LRRTM4: variants seen among roughly 807,000 people sequenced by gnomAD.
LRRTM4 encodes leucine rich repeat transmembrane neuronal 4.
A neutral mutation model predicts 47.6 loss-of-function variants in LRRTM4; 25 were observed. The ratio of observed to expected loss-of-function variants is 0.53; its 90% CI spans 0.38 to 0.73. The LOEUF is 0.73. LRRTM4 is among the 30% of genes least tolerant of loss of function. The probability of loss-of-function intolerance (pLI) is 0.00; values close to 1 mark genes in which losing one functional copy is unlikely to be tolerated. For missense variants in LRRTM4, 638 were observed against 713.4 expected (o/e 0.89, Z 1.20); for synonymous variants, 311 against 269.5 (o/e 1.15, Z -1.51).
At chr2:77,443,917 TAAAAA>T (rs1675944440) in intron 3 of LRRTM4, among the ~76,000 whole-genome samples, 1 of 151,404 alleles carries the variant, frequency 6.6e-6, no homozygotes, top group African/African-American at 2.4e-5. Flanking sequence ...TAAGAAAAAA[TAAAAA>T]AGAGTAATAT....
At chr2:76,878,005 G>A (rs947005068) in intron 3 of LRRTM4, among the ~76,000 whole-genome samples, 3 of 152,188 alleles carry the variant, frequency 2.0e-5, no homozygotes, top group African/African-American at 7.2e-5. Context: ...TTGAAGATTG[G>A]TGGTAACTCT....
intron 3 of LRRTM4, among the ~76,000 whole-genome samples, chr2:77,269,809 TAA>T (rs969153944): frequency 1.3e-5 from 2 of 152,192 alleles, no homozygotes; most frequent in African/African-American, 4.8e-5. Flanking sequence ...AAGCAAATAA[TAA>T]AAGAGACTAA....
chr2:77,367,100 T>TTG (rs1672488204), intron 3 of LRRTM4, among the ~76,000 whole-genome samples: 1 of 151,822 alleles, frequency 6.6e-6, no homozygotes, highest in Non-Finnish European at 1.5e-5. Context: ...TCCATCACCA[T>TTG]TAGAGCCTGA....
At chr2:77,090,388 G>A (rs1210857633) in intron 3 of LRRTM4, among the ~76,000 whole-genome samples, 5 of 152,174 alleles carry the variant, frequency 3.3e-5, no homozygotes, top group East Asian at 3.9e-4. Flanking sequence ...TCAAAAGGTC[G>A]TCTTATTCTC....
At chr2:76,926,793 C>T (rs1262347446) in intron 3 of LRRTM4, among the ~76,000 whole-genome samples, 1 of 152,026 alleles carries the variant, frequency 6.6e-6, no homozygotes, top group Non-Finnish European at 1.5e-5. Context: ...AAATTTTATT[C>T]ATTATAAATT....
intron 3 of LRRTM4, chr2:77,518,073 C>T: frequency 2.4e-6 from 3 of 1,242,022 alleles, no homozygotes; most frequent in Non-Finnish European, 3.0e-6. Context: ...GATGTTTTAA[C>T]ATAGTGCTTT....
chr2:77,144,586 T>C (rs541031307), intron 3 of LRRTM4, among the ~76,000 whole-genome samples: 25 of 152,338 alleles, frequency 1.6e-4, no homozygotes, highest in African/African-American at 6.0e-4. Flanking sequence ...AACTCTACTC[T>C]GCAAATGGAG....
chr2:76,977,742 G>T (rs761683447), intron 3 of LRRTM4, among the ~76,000 whole-genome samples: 2 of 151,962 alleles, frequency 1.3e-5, no homozygotes, highest in African/African-American at 2.4e-5. Flanking sequence ...GTTATCAACT[G>T]ATGATTATTA....
At chr2:77,201,599 T>A (rs966543703) in intron 3 of LRRTM4, among the ~76,000 whole-genome samples, 1 of 152,104 alleles carries the variant, frequency 6.6e-6, no homozygotes, top group African/African-American at 2.4e-5. Flanking sequence ...GTTTTTCAAG[T>A]AGAAAAGACT....
At chr2:76,945,672 G>T (rs1199090762) in intron 3 of LRRTM4, among the ~76,000 whole-genome samples, 1 of 151,798 alleles carries the variant, frequency 6.6e-6, no homozygotes, top group South Asian at 2.1e-4. Context: ...GAAAAACAAT[G>T]AAACATTAAC....
At chr2:77,419,390 G>A (rs773830276) in intron 3 of LRRTM4, among the ~76,000 whole-genome samples, 2 of 152,156 alleles carry the variant, frequency 1.3e-5, no homozygotes, top group South Asian at 4.1e-4. Context: ...AAAATCCATG[G>A]ATGTTCAAGT....
chr2:77,506,238 A>G (rs1573505634), intron 3 of LRRTM4, among the ~76,000 whole-genome samples: 1 of 151,728 alleles, frequency 6.6e-6, no homozygotes, highest in African/African-American at 2.4e-5. Context: ...TTTTAGCAGG[A>G]AAAAAACAAG....
chr2:76,793,427 G>C (rs1675083753), intron 3 of LRRTM4, among the ~76,000 whole-genome samples: 1 of 151,976 alleles, frequency 6.6e-6, no homozygotes, highest in Non-Finnish European at 1.5e-5. Context: ...AACTTCCAAA[G>C]CAAAAGAATC....
chr2:77,001,209 A>G (rs1677414930), intron 3 of LRRTM4, among the ~76,000 whole-genome samples: 1 of 151,784 alleles, frequency 6.6e-6, no homozygotes, highest in East Asian at 1.9e-4. Context: ...AGCCCTCCTT[A>G]AAATCTACAC....
At chr2:76,803,823 T>TACAA (rs1279900152) in intron 3 of LRRTM4, among the ~76,000 whole-genome samples, 2 of 152,150 alleles carry the variant, frequency 1.3e-5, no homozygotes, top group Non-Finnish European at 2.9e-5. Context: ...GAAACATCTG[T>TACAA]ACAAACAATA....
intron 3 of LRRTM4, among the ~76,000 whole-genome samples, chr2:76,998,160 G>GA (rs1424135745): frequency 6.6e-6 from 1 of 152,070 alleles, no homozygotes; most frequent in Non-Finnish European, 1.5e-5. Context: ...CATGTCTGTG[G>GA]AAAAATGTCA....
At position 77,474,530 on chromosome 2, in the gene LRRTM4, G is replaced by C. The variant is rs147653407; in HGVS notation, c.1551+43788C>G. Among the ~76,000 whole-genome samples, 288 of 152,132 alleles carry C rather than the reference G, an allele frequency of 1.9e-3. 2 individuals are homozygous for C. The highest frequency in any genetic ancestry group is 2.7e-3 in the Non-Finnish European group (181 of 67,942). On this transcript the variant is annotated intron_variant, in intron 3 of 3. Coordinates refer to ENST00000409884, the MANE Select transcript of LRRTM4 (RefSeq NM_001134745.3). ...AGGTTGGAATAGAATCAATATAATA[G>C]ATTAAAGACCAAAACTTGTATAAAT...
chr2:76,787,100 T>G (rs1674715143), intron 3 of LRRTM4, among the ~76,000 whole-genome samples: 1 of 151,830 alleles, frequency 6.6e-6, no homozygotes, highest in Non-Finnish European at 1.5e-5. Context: ...AGACAATACA[T>G]GTGGCAAGGG....
intron 3 of LRRTM4, among the ~76,000 whole-genome samples, chr2:77,016,237 T>G (rs1678062925): frequency 6.6e-6 from 1 of 151,406 alleles, no homozygotes; most frequent in Non-Finnish European, 1.5e-5. Flanking sequence ...AATACAAAAA[T>G]TAGCTGGGCG....
Sources: allele counts gnomAD v4.1 joint callset (sites outside exome capture counted in the v4.1 genomes callset), GRCh38; gene constraint gnomAD v4.1.1; transcripts MANE v1.5; gene names NCBI Gene and HGNC (gene_info 2026-07-23, HGNC 2026-07-21).